LILRB4: variants seen among roughly 807,000 people sequenced by gnomAD.
The protein encoded by LILRB4 is leukocyte immunoglobulin-like receptor subfamily B member 4.
Under a neutral mutation model 55.2 loss-of-function variants are expected in LILRB4, and 49 were observed. That is an observed-to-expected ratio of 0.89 (90% confidence interval 0.71 to 1.13). The LOEUF is 1.13. Ranked by LOEUF, LILRB4 falls within the 50% of genes most tolerant of loss-of-function variation. The pLI, the probability that LILRB4 is intolerant of heterozygous loss-of-function variation, is 0.00. For synonymous variants in LILRB4, 229 were observed against 213.8 expected, an observed-to-expected ratio of 1.07 and a Z score of -0.62; for missense variants, 590 against 555.2, an observed-to-expected ratio of 1.06 and a Z score of -0.63.
intron 4 of LILRB4, 151 bp downstream of exon 4, chr19:54,664,636 G>T: frequency 9.8e-7 from 1 of 1,022,122 alleles, no homozygotes; most frequent in Non-Finnish European, 1.4e-6. Flanking sequence ...GCCCTCCCAG[G>T]CATGCCCATG....
chr19:54,663,318 C>T (rs1328003262), intron 1 of LILRB4, among the ~76,000 whole-genome samples: 2 of 151,730 alleles, frequency 1.3e-5, no homozygotes, highest in African/African-American at 2.4e-5. Context: ...TGGTTGCAGG[C>T]GCCTGTGGTC....
At chr19:54,664,888 C>T in intron 5 of LILRB4, 39 bp downstream of exon 5, 1 of 1,581,162 alleles carries the variant, frequency 6.3e-7, no homozygotes, top group Non-Finnish European at 8.7e-7. Context: ...GTTTCCAAAG[C>T]CCGAGGCCTG....
rs955002283 is a variant in LILRB4 at position 54,663,401 on chromosome 19, G to C, written c.35-131G>C. On this transcript the variant is annotated intron_variant, in intron 1 of 11. Transcript: ENST00000430952. The stretch of plus-strand genomic sequence containing the variant: ...GCGGAGCTTGCAGTGAGCCAAGATC[G>C]CACCACCGCACTCCAGCCTGGGTGA... The C allele has an allele frequency of 6.1e-6, 8 of 1,308,248 alleles. No individual in the cohort carries two copies. The Admixed American group carries it at 2.2e-4, about 35-fold the overall frequency. 81.0% of individuals were successfully genotyped at this position (1,308,248 alleles called of 1,614,324 possible).
In LILRB4 at chr19:54,665,573, G is replaced by A. The variant is rs902115208; in HGVS notation, c.758-242G>A. ...AACAAGGGCTGCAGCTCAGACTCCC[G>A]GGTTTCCTTCCCAGCTCTGCCGCTT... On this transcript the variant is annotated intron_variant, in intron 6 of 11. Coordinates refer to ENST00000430952, the Ensembl canonical transcript of LILRB4. This position sits in a 1 kb window ranked among gnomAD's most constrained non-coding sequence, Gnocchi z 5.5. Among the ~76,000 whole-genome samples the A allele has an allele frequency of 5.9e-5, 9 of 152,102 alleles. No homozygotes were observed. The highest frequency in any genetic ancestry group is 1.9e-4 in the African/African-American group (8 of 41,420).
At chr19:54,664,583 C>T in intron 4 of LILRB4, 98 bp downstream of exon 4, 5 of 1,315,910 alleles carry the variant, frequency 3.8e-6, no homozygotes, top group African/African-American at 1.5e-5. Flanking sequence ...AGGGGCTCAG[C>T]CAGTGGGGGA....
At chr19:54,668,414 A>T (rs919551615), downstream of LILRB4, 3 of 183,722 alleles carry the variant, frequency 1.6e-5, no homozygotes, top group African/African-American at 2.4e-5. Context: ...TGATACATGA[A>T]TCTTGGCCAC....
rs573165845 is a variant in LILRB4 at position 54,668,038 on chromosome 19, C to G, written c.*19C>G. On this transcript the variant is annotated 3_prime_UTR_variant, in exon 12 of 12. Transcript: ENST00000430952. ...CCACTAATCCAGGGGGGACCCAGAC[C>G]CCACAAGCCATGGAGACTCAGGACC... is the stretch of plus-strand genomic sequence containing the variant. 6.2e-6 allele frequency: 10 copies of G among 1,613,726 alleles called. No individual in the cohort carries two copies. The South Asian group carries it at 1.1e-4, about 18-fold the overall frequency.
At chr19:54,668,123 CT>C (rs1257280509) in exon 12 of LILRB4, 2 of 1,325,706 alleles carry the variant, frequency 1.5e-6, no homozygotes, top group Non-Finnish European at 2.1e-6. Context: ...GCCCAGACCC[CT>C]GACACAGACC....
chr19:54,666,046 T>G lies in LILRB4; in HGVS notation c.874+115T>G. ...GAAACTCTGCTCCAGAAATTCCCAG[T>G]GAGAAAATCTAGAAAGAAGAAAATG... On this transcript the variant is annotated intron_variant, in intron 7 of 11. Coordinates refer to ENST00000430952, the Ensembl canonical transcript of LILRB4. The surrounding 1 kb of genome is among the most constrained non-coding windows in gnomAD (Gnocchi z 4.8). The G allele has an allele frequency of 2.8e-6, 4 of 1,415,144 alleles. No homozygotes were observed. The South Asian group carries it at 5.2e-5, about 19-fold the overall frequency. The allele number at this position is 1,415,144 out of a possible 1,614,324, so 87.7% of individuals were successfully genotyped here.
rs2065242833 is a variant in LILRB4, at chr19:54,665,923, G to A, written c.866G>A (p.Arg289Lys). Reference sequence around the variant, plus strand: ...CAACACTGGCGTCAGGGAAAACACAGGACATTGGGTAAGTAGGAAATTGGG... The same window carrying A: ...CAACACTGGCGTCAGGGAAAACACAAGACATTGGGTAAGTAGGAAATTGGG... The change falls in exon 7 of 12, where the codon AGG becomes AAG. Residue 289 changes from arginine to lysine, a missense_variant. Transcript: ENST00000430952. This position sits in a 1 kb window ranked among gnomAD's most constrained non-coding sequence, Gnocchi z 5.5. 1.9e-6 allele frequency: 3 copies of A among 1,613,924 alleles called. No individual in the cohort carries two copies.
Position 54,665,707 on chromosome 19 carries a change from G to A in LILRB4, c.758-108G>A, listed in dbSNP as rs2146397858. ...CAATCTCAGGTTGCACAACTGCTGTGAGGGTTGGAGGTAATGAAAGAAAGA... is the reference window on the plus strand; with the variant it reads ...CAATCTCAGGTTGCACAACTGCTGTAAGGGTTGGAGGTAATGAAAGAAAGA... On this transcript the variant is annotated intron_variant, in intron 6 of 11. Coordinates refer to ENST00000430952, the Ensembl canonical transcript of LILRB4. This position sits in a 1 kb window ranked among gnomAD's most constrained non-coding sequence, Gnocchi z 5.5. 2 of 1,304,376 alleles carry A rather than the reference G, an allele frequency of 1.5e-6. No homozygotes were observed. Among genetic ancestry groups the A allele is most frequent in the Non-Finnish European group, 2.2e-6 (2 of 922,690 alleles). The allele number at this position is 1,304,376 out of a possible 1,614,324, so 80.8% of individuals were successfully genotyped here.
chr19:54,665,163 G>A lies in LILRB4; in HGVS notation c.740G>A (p.Gly247Glu), dbSNP rs1263530268. The A allele has an allele frequency of 6.2e-7, 1 of 1,604,336 alleles. No individual in the cohort carries two copies. Among genetic ancestry groups the A allele is most frequent in the Admixed American group, 1.7e-5 (1 of 59,318 alleles). The change falls in exon 6 of 12, where the codon GGG (glycine) becomes GAG (glutamate). Residue 247 changes from glycine to glutamate, a missense_variant. Coordinates refer to ENST00000430952, the Ensembl canonical transcript of LILRB4. This position sits in a 1 kb window ranked among gnomAD's most constrained non-coding sequence, Gnocchi z 5.5. The stretch of plus-strand genomic sequence containing the variant: ...GAGGACCAGCCCCTCATGCCTACAG[G>A]GTCAGTCCCCCACAGTGGTGAGTGA...
intron 10 of LILRB4, 169 bp from the exon 11 acceptor site, chr19:54,667,466 G>C (rs11574585): frequency 4.5e-6 from 6 of 1,340,420 alleles, no homozygotes; most frequent in Non-Finnish European, 6.0e-6. Context: ...GTGAGGAGCA[G>C]AGACCAGAAC....
In LILRB4 at chr19:54,667,620, A is replaced by T. The variant is rs2065344743; in HGVS notation, c.1042-18A>T. The T allele has an allele frequency of 2.5e-6, 4 of 1,609,878 alleles. No homozygotes were observed. Among genetic ancestry groups the T allele is most frequent in the Non-Finnish European group, 3.4e-6 (4 of 1,178,920 alleles). On this transcript the variant is annotated intron_variant, in intron 10 of 11. Coordinates refer to ENST00000430952, the Ensembl canonical transcript of LILRB4. ...GGAGGATTCAAGGACACCCCCCACC[A>T]CTGTCTCTCTCCAGCAGAGCCCACA... is the stretch of plus-strand genomic sequence containing the variant.
At chr19:54,664,895 C>A in intron 5 of LILRB4, 46 bp downstream of exon 5, 2 of 1,564,408 alleles carry the variant, frequency 1.3e-6, no homozygotes, top group Non-Finnish European at 1.8e-6. Context: ...AAGCCCGAGG[C>A]CTGTCTCAAG....
chr19:54,664,090 G>C (rs1050871221), intron 3 of LILRB4, 52 bp downstream of exon 3: 1 of 1,604,366 alleles, frequency 6.2e-7, no homozygotes, highest in African/African-American at 1.3e-5. Flanking sequence ...CAGGAAGGGG[G>C]TCAGCTCTCA....
chr19:54,666,443 G>C lies in LILRB4; in HGVS notation c.988+7G>C. The C allele has an allele frequency of 6.2e-7, 1 of 1,614,134 alleles. No homozygotes were observed. ...GTCCAGGGAGAAAACTTCTGTGAGT[G>C]AGAGGCAGAGAAGGTGCACCTGGGG... On this transcript the variant is annotated splice_region_variant and intron_variant, in intron 9 of 11. Coordinates refer to ENST00000430952, the Ensembl canonical transcript of LILRB4. This position sits in a 1 kb window ranked among gnomAD's most constrained non-coding sequence, Gnocchi z 4.8.
rs749486903 is a variant in LILRB4 at position 54,666,301 on chromosome 19, G to C, written c.936G>C (p.Gly312=). Residue 312 remains glycine, a synonymous_variant, in exon 8 of 12, where the codon GGG becomes GGC. Coordinates refer to ENST00000430952, the Ensembl canonical transcript of LILRB4. The surrounding 1 kb of genome is among the most constrained non-coding windows in gnomAD (Gnocchi z 4.8). ...CTGCCGAGCCAGAGCCCAAGGACGG[G>C]GGCCTACAGAGGAGGTAATTCTGCC... 1.2e-6 allele frequency: 2 copies of C among 1,610,362 alleles called. No homozygotes were observed. The highest frequency in any genetic ancestry group is 1.7e-5 in the Admixed American group (1 of 59,484).
At chr19:54,663,462 A>AAAAAAAAAAAAAAAACAAAAAC (rs2065104806) in intron 1 of LILRB4, 70 bp from the exon 2 acceptor site, 1 of 1,533,804 alleles carries the variant, frequency 6.5e-7, no homozygotes, top group African/African-American at 1.4e-5. Flanking sequence ...AAAAAAAAAA[A>AAAAAAAAAAAAAAAACAAAAAC]AATCTCAGGG....
Sources: gnomAD v4.1 joint callset for allele counts (sites outside exome capture counted in the v4.1 genomes callset) on GRCh38, gnomAD v4.1.1 for gene constraint, Gnocchi (gnomAD v3.1) non-coding constraint, MANE v1.5 for transcripts, NCBI Gene and HGNC (gene_info 2026-07-23, HGNC 2026-07-21) for gene names.